The following ERBB4 variants were observed in gnomAD, a reference collection of about 807,000 sequenced individuals.
ERBB4 encodes receptor tyrosine-protein kinase erbB-4.
A neutral mutation model predicts 158.0 loss-of-function variants in ERBB4; 42 were observed. The observed-to-expected ratio is 0.27, with a 90% confidence interval of 0.21 to 0.34. ERBB4 has a LOEUF of 0.34. ERBB4 is among the 10% of genes least tolerant of loss of function. The pLI is 1.00. For synonymous variants in ERBB4, 583 were observed against 558.7 expected, an observed-to-expected ratio of 1.04 and a Z score of -0.61; for missense variants, 1,333 against 1,624.1, an observed-to-expected ratio of 0.82 and a Z score of 3.08.
At chr2:212,478,918 C>T (rs1325189421) in intron 1 of ERBB4, among the ~76,000 whole-genome samples, 1 of 152,158 alleles carries the variant, frequency 6.6e-6, no homozygotes, top group East Asian at 1.9e-4. Flanking sequence ...TCAGCTCTGG[C>T]TTTGGGTTCC....
chr2:212,507,024 C>G (rs966509999), intron 1 of ERBB4, among the ~76,000 whole-genome samples: 4 of 152,114 alleles, frequency 2.6e-5, no homozygotes, highest in Non-Finnish European at 5.9e-5. Context: ...CTAATGCAGA[C>G]AGGACTTGAA....
At chr2:212,166,773 T>G (rs758086753) in intron 1 of ERBB4, among the ~76,000 whole-genome samples, 21 of 151,952 alleles carry the variant, frequency 1.4e-4, no homozygotes, top group Non-Finnish European at 2.9e-4. Context: ...AACAGAGGCC[T>G]CAGAAATAAC....
intron 4 of ERBB4, among the ~76,000 whole-genome samples, chr2:211,762,199 G>C (rs1319755253): frequency 6.6e-6 from 1 of 152,206 alleles, no homozygotes; most frequent in Non-Finnish European, 1.5e-5. Context: ...CATAAATGGA[G>C]ACAGAAATGT....
intron 1 of ERBB4, among the ~76,000 whole-genome samples, chr2:212,146,261 G>A (rs2080669529): frequency 6.6e-6 from 1 of 152,110 alleles, no homozygotes; most frequent in Admixed American, 6.5e-5. Context: ...CTCTTATCCT[G>A]AATGGTGACA....
chr2:212,332,194 A>T, intron 1 of ERBB4, among the ~76,000 whole-genome samples: 1 of 151,948 alleles, frequency 6.6e-6, no homozygotes, highest in East Asian at 1.9e-4. Context: ...TACTGTTCTC[A>T]TGGTAGTGAG....
chr2:211,464,316 T>A (rs986249472), intron 20 of ERBB4, among the ~76,000 whole-genome samples: 1 of 152,210 alleles, frequency 6.6e-6, no homozygotes, highest in Non-Finnish European at 1.5e-5. Context: ...GAATTAATGA[T>A]GAGGCACTGC....
At chr2:211,596,574 C>A (rs1223427321) in intron 19 of ERBB4, among the ~76,000 whole-genome samples, 1 of 152,120 alleles carries the variant, frequency 6.6e-6, no homozygotes, top group Admixed American at 6.6e-5. Flanking sequence ...CCTCTGCATT[C>A]TCTTCTCTTT....
intron 3 of ERBB4, among the ~76,000 whole-genome samples, chr2:211,803,567 A>T (rs2076547503): frequency 6.6e-6 from 1 of 152,218 alleles, no homozygotes; most frequent in Non-Finnish European, 1.5e-5. Context: ...GCTCAGCCCC[A>T]GAAGATGTTA....
chr2:212,505,843 C>T (rs1017894097), intron 1 of ERBB4, among the ~76,000 whole-genome samples: 1 of 148,846 alleles, frequency 6.7e-6, no homozygotes, highest in African/African-American at 2.4e-5. Context: ...ACACCATCTA[C>T]GACACAGTAC....
chr2:212,149,165 TAATTAAAAAA>T (rs1247592072), intron 1 of ERBB4, among the ~76,000 whole-genome samples: 1 of 92,076 alleles, frequency 1.1e-5, no homozygotes, highest in African/African-American at 4.8e-5. Flanking sequence ...TAAAATATAA[TAATTAAAAAA>T]AAATTTTAAA....
intron 14 of ERBB4, among the ~76,000 whole-genome samples, chr2:211,668,362 C>A (rs1162381376): frequency 6.6e-6 from 1 of 152,112 alleles, no homozygotes; most frequent in African/African-American, 2.4e-5. Flanking sequence ...CATCTCATTT[C>A]CATAATAAAG....
At chr2:212,055,188 C>G (rs1326001035) in intron 2 of ERBB4, among the ~76,000 whole-genome samples, 2 of 152,192 alleles carry the variant, frequency 1.3e-5, no homozygotes, top group Non-Finnish European at 2.9e-5. Flanking sequence ...GCCCACAGAG[C>G]CTCACTCATT....
chr2:212,327,707 T>C (rs1257775740), intron 1 of ERBB4, among the ~76,000 whole-genome samples: 2 of 141,882 alleles, frequency 1.4e-5, no homozygotes, highest in Non-Finnish European at 3.0e-5. Flanking sequence ...CCTTTAACGA[T>C]TCTTTTTTTT....
chr2:211,795,641 G>A (rs2076367572), intron 3 of ERBB4, among the ~76,000 whole-genome samples: 1 of 151,770 alleles, frequency 6.6e-6, no homozygotes, highest in African/African-American at 2.4e-5. Context: ...AATACAAGAG[G>A]AGTTTCCAAC....
intron 1 of ERBB4, among the ~76,000 whole-genome samples, chr2:212,195,240 A>G (rs2082390974): frequency 6.6e-6 from 1 of 151,998 alleles, no homozygotes; most frequent in African/African-American, 2.4e-5. Context: ...TAAAATATCA[A>G]TTTGCCAGTA....
chr2:211,574,409 A>G (rs1320670566), intron 19 of ERBB4, among the ~76,000 whole-genome samples: 1 of 152,246 alleles, frequency 6.6e-6, no homozygotes, highest in Non-Finnish European at 1.5e-5. Flanking sequence ...AACAAAAAGT[A>G]ATCACAATAA....
chr2:212,350,964 A>T (rs1291434161), intron 1 of ERBB4, among the ~76,000 whole-genome samples: 1 of 152,116 alleles, frequency 6.6e-6, no homozygotes, highest in African/African-American at 2.4e-5. Context: ...ATCTCCATGG[A>T]GCAGGGAAGG....
At chr2:211,547,435 TA>T (rs1400375125) in intron 20 of ERBB4, among the ~76,000 whole-genome samples, 1 of 152,104 alleles carries the variant, frequency 6.6e-6, no homozygotes, top group African/African-American at 2.4e-5. Flanking sequence ...CAGATTACTA[TA>T]AACATCTTGA....
intron 1 of ERBB4, among the ~76,000 whole-genome samples, chr2:212,521,272 T>C (rs1205160101): frequency 6.6e-6 from 1 of 151,876 alleles, no homozygotes; most frequent in African/African-American, 2.4e-5. Flanking sequence ...AAACTGTCTC[T>C]CTAAGCTCTT....
Sources: allele counts gnomAD v4.1 joint callset (sites outside exome capture counted in the v4.1 genomes callset), GRCh38; gene constraint gnomAD v4.1.1; transcripts MANE v1.5; gene names NCBI Gene and HGNC (gene_info 2026-07-23, HGNC 2026-07-21).